The following TECPR2 variants were observed in gnomAD, a reference collection of about 807,000 sequenced individuals.
The protein encoded by TECPR2 is tectonin beta-propeller repeat-containing protein 2.
A neutral mutation model predicts 138.1 loss-of-function variants in TECPR2; 65 were observed. The observed-to-expected ratio is 0.47, with a 90% CI of 0.39 to 0.58. The LOEUF (loss-of-function observed/expected upper bound fraction) is 0.58. Among genes scored for constraint, TECPR2 ranks in the 20% least tolerant of loss-of-function variants. TECPR2 has a pLI of 0.00. For missense variants in TECPR2, 1,553 were observed against 1,824.5 expected (o/e 0.85, Z 2.71); for synonymous variants, 746 against 749.8 (o/e 0.99, Z 0.08).
intron 2 of TECPR2, among the ~76,000 whole-genome samples, chr14:102,391,403 A>G (rs1386555557): frequency 2.0e-5 from 3 of 152,148 alleles, no homozygotes; most frequent in Non-Finnish European, 2.9e-5. Flanking sequence ...TGGTAAAGCT[A>G]TGAATCAAAG....
chr14:102,443,945 T>A lies in TECPR2; in HGVS notation c.2933+118T>A. ...TGGGAGGCAGCACCTGCAGCCTCCA[T>A]GGCTATAGGCTAAGCTTGAATCTCT... On this transcript the variant is annotated intron_variant, in intron 12 of 19. Transcript: ENST00000359520. This position sits in a 1 kb window ranked among gnomAD's most constrained non-coding sequence, Gnocchi z 4.9. 1 of 979,178 alleles carries A rather than the reference T, an allele frequency of 1.0e-6. No homozygotes were observed. The highest frequency in any genetic ancestry group is 1.4e-6 in the Non-Finnish European group (1 of 693,496). The allele number at this position is 979,178 out of a possible 1,614,324, so 60.7% of individuals were successfully genotyped here.
chr14:102,472,675 C>G (rs1890675247), intron 17 of TECPR2, among the ~76,000 whole-genome samples: 1 of 152,232 alleles, frequency 6.6e-6, no homozygotes, highest in Non-Finnish European at 1.5e-5. Flanking sequence ...CTTTCTACTG[C>G]ACTTTGCCAA....
intron 17 of TECPR2, among the ~76,000 whole-genome samples, chr14:102,490,642 A>G (rs1225718016): frequency 6.6e-6 from 1 of 152,164 alleles, no homozygotes; most frequent in African/African-American, 2.4e-5. Context: ...CTGCTCTGAA[A>G]AGGTCCAGAC....
chr14:102,436,318 CTTT>C lies in TECPR2; in HGVS notation c.2394+1121_2394+1123del, dbSNP rs558287413. On this transcript the variant is annotated intron_variant, in intron 9 of 19. Transcript: ENST00000359520. ...TCTGGCTTTTTTTTCTTCTTTCTTT[CTTT>C]TTTTTTTTTTTTTCTGAGACAGGGT... 9.4e-4 allele frequency among the ~76,000 whole-genome samples: 128 copies of C among 135,502 alleles called. 2 individuals are homozygous for C. Among genetic ancestry groups the C allele is most frequent in the African/African-American group, 3.3e-3 (122 of 36,860 alleles). 88.9% of individuals were successfully genotyped at this position (135,502 alleles called of 152,430 possible).
Position 102,499,199 on chromosome 14 carries a change from G to A in TECPR2, c.*942G>A, listed in dbSNP as rs906121630. ...CGGCACAGGAGGGTGCATGGGGCGT[G>A]GGGGAGCTGAGCAAGGGTCGCTCAC... On this transcript the variant is annotated 3_prime_UTR_variant, in exon 20 of 20. Coordinates refer to ENST00000359520, the MANE Select transcript of TECPR2 (RefSeq NM_014844.5). 1.4e-6 allele frequency: 1 copy of A among 700,422 alleles called. No individual in the cohort carries two copies. Among genetic ancestry groups the A allele is most frequent in the Non-Finnish European group, 2.6e-6 (1 of 382,886 alleles). 43.4% of individuals were successfully genotyped at this position (700,422 alleles called of 1,614,324 possible). A position where few individuals can be genotyped will look rare whatever the true frequency, so the allele number is the denominator to read the frequency against.
intron 8 of TECPR2, among the ~76,000 whole-genome samples, chr14:102,433,192 T>C (rs76246995): frequency 0.027 from 4,150 of 152,112 alleles, 78 homozygotes; most frequent in Middle Eastern, 0.088. Flanking sequence ...TCTTTTTTTT[T>C]TTCAACTTTT....
chr14:102,480,320 G>C (rs1375153060), intron 17 of TECPR2, among the ~76,000 whole-genome samples: 1 of 151,912 alleles, frequency 6.6e-6, no homozygotes, highest in Non-Finnish European at 1.5e-5. Context: ...CACCTCCCGG[G>C]TTCACGCCAT....
In TECPR2 at chr14:102,363,575, A is replaced by G. The variant is rs143445470; in HGVS notation, c.-73+459A>G. On this transcript the variant is annotated intron_variant, in intron 1 of 19. Transcript: ENST00000359520. ...CTTGACACTCATCCAGTTGGTGTTC[A>G]GTGTTCGATGAGTGGATAAGTGAAT... 6.5e-4 allele frequency among the ~76,000 whole-genome samples: 99 copies of G among 152,394 alleles called. 1 individual carries two copies. The highest frequency in any genetic ancestry group is 2.3e-3 in the African/African-American group (96 of 41,608).
At chr14:102,486,919 G>A (rs558666110) in intron 17 of TECPR2, among the ~76,000 whole-genome samples, 1 of 152,168 alleles carries the variant, frequency 6.6e-6, no homozygotes, top group South Asian at 2.1e-4. Context: ...AGGGAAAAAA[G>A]AACTAGAAAG....
At position 102,502,331 on chromosome 14, in the gene TECPR2, G is replaced by A. The variant is rs1229119491; in HGVS notation, c.*4074G>A. The stretch of plus-strand genomic sequence containing the variant: ...TTCATAACTCCGGGGAGGAGCAAGA[G>A]GGGTGAAAAGAAACAAGTTCTCTAC... On this transcript the variant is annotated 3_prime_UTR_variant, in exon 20 of 20. Coordinates refer to ENST00000359520, the MANE Select transcript of TECPR2 (RefSeq NM_014844.5). The A allele has an allele frequency of 6.6e-6, 1 of 152,652 alleles. No homozygotes were observed. The highest frequency in any genetic ancestry group is 1.5e-5 in the Non-Finnish European group (1 of 68,050). The allele number at this position is 152,652 out of a possible 1,614,324, so 9.5% of individuals were successfully genotyped here. A position where few individuals can be genotyped will look rare whatever the true frequency, so the allele number is the denominator to read the frequency against.
At chr14:102,386,656 G>A (rs528179535) in intron 2 of TECPR2, among the ~76,000 whole-genome samples, 4 of 152,226 alleles carry the variant, frequency 2.6e-5, no homozygotes, top group African/African-American at 9.6e-5. Flanking sequence ...GGGAGGAAGA[G>A]TGAAAGGGAA....
Position 102,368,064 on chromosome 14 carries a change from G to A in TECPR2, c.-73+4948G>A, listed in dbSNP as rs573445850. ...GCTCTGTTGCCCAGGCTGGAGTGCA[G>A]TGGTGCGATCTTGGCTCACTACAAC... On this transcript the variant is annotated intron_variant, in intron 1 of 19. Coordinates refer to ENST00000359520, the MANE Select transcript of TECPR2 (RefSeq NM_014844.5). Among the ~76,000 whole-genome samples the A allele has an allele frequency of 3.4e-3, 461 of 134,640 alleles. 4 individuals carry two copies. The highest frequency in any genetic ancestry group is 0.013 in the African/African-American group (449 of 35,592). 88.3% of individuals were successfully genotyped at this position (134,640 alleles called of 152,430 possible). A position where few individuals can be genotyped will look rare whatever the true frequency, so the allele number is the denominator to read the frequency against.
At position 102,431,928 on chromosome 14, in the gene TECPR2, C is replaced by T. The variant is rs767573374; in HGVS notation, c.1217C>T (p.Pro406Leu). The T allele has an allele frequency of 1.9e-6, 3 of 1,611,364 alleles. No individual in the cohort carries two copies. Among genetic ancestry groups the T allele is most frequent in the South Asian group, 1.1e-5 (1 of 91,028 alleles). The change falls in exon 8 of 20, where the codon CCA becomes CTA. Residue 406 changes from proline (P) to leucine (L), a missense_variant. Coordinates refer to ENST00000359520, the MANE Select transcript of TECPR2 (RefSeq NM_014844.5). ...SSMASSVASEPRSRSSSLNST... is the reference protein window; with the variant it reads ...SSMASSVASELRSRSSSLNST... ...ATGGCCAGCTCCGTGGCCAGCGAGC[C>T]AAGGAGCAGGAGCAGCTCGCTCAAC...
intron 1 of TECPR2, among the ~76,000 whole-genome samples, chr14:102,368,837 G>A (rs928292855): frequency 6.6e-6 from 1 of 152,190 alleles, no homozygotes; most frequent in Non-Finnish European, 1.5e-5. Context: ...TGGTGAGGAG[G>A]CGCCAGGCTT....
chr14:102,393,113 G>A (rs1400321655), intron 2 of TECPR2, among the ~76,000 whole-genome samples: 2 of 152,170 alleles, frequency 1.3e-5, no homozygotes, highest in African/African-American at 4.8e-5. Context: ...CTCCAGAGGT[G>A]TGCCAGATAG....
rs1888998992 is a variant in TECPR2 at position 102,415,489 on chromosome 14, G to C, written c.638+696G>C. On this transcript the variant is annotated intron_variant, in intron 5 of 19. Coordinates refer to ENST00000359520, the MANE Select transcript of TECPR2 (RefSeq NM_014844.5). The surrounding 1 kb of genome is among the most constrained non-coding windows in gnomAD (Gnocchi z 4.3). Reference sequence around the variant, plus strand: ...GTGGGAAAAGACAACTGGAACACCTGGGGAACCTGTAATTCATCATCCCAC... The same window carrying C: ...GTGGGAAAAGACAACTGGAACACCTCGGGAACCTGTAATTCATCATCCCAC... Among the ~76,000 whole-genome samples, 2 of 152,092 alleles carry C rather than the reference G, an allele frequency of 1.3e-5. No individual in the cohort carries two copies. Among genetic ancestry groups the C allele is most frequent in the South Asian group, 4.1e-4 (2 of 4,820 alleles).
At chr14:102,496,431 G>A (rs1891281847) in intron 17 of TECPR2, among the ~76,000 whole-genome samples, 1 of 152,244 alleles carries the variant, frequency 6.6e-6, no homozygotes, top group Admixed American at 6.5e-5. Context: ...GACCGGAGAT[G>A]CTGAGCATGG....
At chr14:102,495,680 C>T (rs1054735272) in intron 17 of TECPR2, among the ~76,000 whole-genome samples, 5 of 152,320 alleles carry the variant, frequency 3.3e-5, no homozygotes, top group Non-Finnish European at 7.3e-5. Flanking sequence ...GGTGATGTGC[C>T]GACAAGAGCG....
chr14:102,428,715 T>G (rs1259009008), intron 7 of TECPR2, among the ~76,000 whole-genome samples: 5 of 152,088 alleles, frequency 3.3e-5, no homozygotes, highest in Non-Finnish European at 1.5e-5. Flanking sequence ...TAAGCTAAGA[T>G]TGCACCACTG....
Sources: allele counts gnomAD v4.1 joint callset (sites outside exome capture counted in the v4.1 genomes callset), GRCh38; gene constraint gnomAD v4.1.1; non-coding constraint Gnocchi (gnomAD v3.1); transcripts MANE v1.5; gene names NCBI Gene and HGNC (gene_info 2026-07-23, HGNC 2026-07-21).